The following PAK5 variants were observed in gnomAD, a reference collection of about 807,000 sequenced individuals.
PAK5 encodes serine/threonine-protein kinase PAK 5.
In PAK5, 16 loss-of-function variants were observed where a neutral mutation model predicts 65.9. That is an observed-to-expected ratio of 0.24 (90% CI 0.16 to 0.37). PAK5 has a LOEUF of 0.37. Ranked by LOEUF, PAK5 falls within the 10% of genes least tolerant of loss-of-function variation. The probability of loss-of-function intolerance (pLI) is 1.00; values close to 1 mark genes in which losing one functional copy is unlikely to be tolerated. For missense variants in PAK5, 785 were observed against 903.9 expected (o/e 0.87, Z 1.69); for synonymous variants, 371 against 354.9 (o/e 1.05, Z -0.51).
At chr20:9,830,084 C>G (rs915940014) in intron 1 of PAK5, among the ~76,000 whole-genome samples, 2 of 152,164 alleles carry the variant, frequency 1.3e-5, no homozygotes, top group African/African-American at 4.8e-5. Context: ...GCAAAGAGCT[C>G]AAGGGGTCTT....
chr20:9,725,157 C>G (rs917391433), intron 1 of PAK5, among the ~76,000 whole-genome samples: 2 of 151,970 alleles, frequency 1.3e-5, no homozygotes, highest in African/African-American at 2.4e-5. Flanking sequence ...GATGTATGTG[C>G]CTGGAGGAAG....
intron 5 of PAK5, among the ~76,000 whole-genome samples, chr20:9,565,235 T>C (rs1268306539): frequency 1.3e-5 from 2 of 152,002 alleles, no homozygotes; most frequent in Non-Finnish European, 2.9e-5. Flanking sequence ...CAAAAGAAAT[T>C]TGTAAACAGA....
chr20:9,777,864 A>T (rs2048902669), intron 1 of PAK5, among the ~76,000 whole-genome samples: 1 of 152,152 alleles, frequency 6.6e-6, no homozygotes, highest in African/African-American at 2.4e-5. Flanking sequence ...CAAGGTGAGG[A>T]TGTGCAAACA....
intron 7 of PAK5, 46 bp downstream of exon 7, chr20:9,557,562 A>T: frequency 6.5e-7 from 1 of 1,549,874 alleles, no homozygotes; most frequent in Non-Finnish European, 8.8e-7. Flanking sequence ...CATGACAGAC[A>T]GAGTGACAAG....
chr20:9,678,835 C>G (rs760152804), intron 2 of PAK5, among the ~76,000 whole-genome samples: 19 of 152,086 alleles, frequency 1.2e-4, no homozygotes, highest in Admixed American at 3.3e-4. Context: ...ATTAAATTAC[C>G]TCCCACTGGG....
intron 2 of PAK5, among the ~76,000 whole-genome samples, chr20:9,690,956 T>C (rs935170940): frequency 8.6e-5 from 13 of 151,950 alleles, no homozygotes; most frequent in African/African-American, 3.1e-4. Flanking sequence ...GGTTTCACCA[T>C]GTTGGCCAGG....
At chr20:9,643,773 A>C (rs570017309) in intron 3 of PAK5, among the ~76,000 whole-genome samples, 1 of 152,186 alleles carries the variant, frequency 6.6e-6, no homozygotes, top group African/African-American at 2.4e-5. Flanking sequence ...AGGTGGTCTA[A>C]TGTTGGTCAG....
intron 2 of PAK5, among the ~76,000 whole-genome samples, chr20:9,702,421 A>G (rs1051470326): frequency 6.6e-6 from 1 of 152,228 alleles, no homozygotes; most frequent in Admixed American, 6.5e-5. Context: ...AGAGCCCCAG[A>G]TGACCAAATA....
chr20:9,834,548 G>A (rs1195434101), intron 1 of PAK5, among the ~76,000 whole-genome samples: 2 of 152,008 alleles, frequency 1.3e-5, no homozygotes, highest in Admixed American at 6.6e-5. Flanking sequence ...GAAAGCAATT[G>A]CATGCTCTTC....
chr20:9,637,151 C>A (rs1479937561), intron 3 of PAK5, among the ~76,000 whole-genome samples: 1 of 152,112 alleles, frequency 6.6e-6, no homozygotes, highest in Non-Finnish European at 1.5e-5. Flanking sequence ...CAGGTGTACA[C>A]CAGCATGCCT....
intron 8 of PAK5, 64 bp downstream of exon 8, chr20:9,544,305 C>G: frequency 6.4e-7 from 1 of 1,569,368 alleles, no homozygotes; most frequent in Admixed American, 1.8e-5. Context: ...CCAACTATCT[C>G]AGAACCAATG....
chr20:9,633,535 T>TGTAA (rs2123234684), intron 3 of PAK5, among the ~76,000 whole-genome samples: 1 of 152,372 alleles, frequency 6.6e-6, no homozygotes, highest in East Asian at 1.9e-4. Flanking sequence ...TTTTTTACTC[T>TGTAA]GTAAAACACC....
At chr20:9,578,391 T>C (rs1278808014) in intron 4 of PAK5, among the ~76,000 whole-genome samples, 1 of 152,180 alleles carries the variant, frequency 6.6e-6, no homozygotes, top group Non-Finnish European at 1.5e-5. Context: ...CTAAAACTCT[T>C]GACCTCTAAA....
At chr20:9,731,702 G>T (rs2048336574) in intron 1 of PAK5, among the ~76,000 whole-genome samples, 1 of 152,170 alleles carries the variant, frequency 6.6e-6, no homozygotes, top group African/African-American at 2.4e-5. Context: ...TTTAAAATAT[G>T]CCTGTTCTAA....
rs186582070 is a variant in PAK5, at chr20:9,747,414, A to G, written c.-161-35979T>C. Among the ~76,000 whole-genome samples, 21 of 151,950 alleles carry G rather than the reference A, an allele frequency of 1.4e-4. No individual in the cohort carries two copies. In the East Asian group the frequency reaches 3.7e-3, roughly 27 times the overall value. ...GAATCTTAGACCAATATCCTTGATG[A>G]ACATTGATGCAAAAATCCTCAGTAA... On this transcript the variant is annotated intron_variant, in intron 1 of 9. Coordinates refer to ENST00000353224, the MANE Select transcript of PAK5 (RefSeq NM_177990.4).
At chr20:9,728,259 C>T (rs1347569308) in intron 1 of PAK5, among the ~76,000 whole-genome samples, 2 of 151,956 alleles carry the variant, frequency 1.3e-5, no homozygotes, top group Non-Finnish European at 2.9e-5. Context: ...CCTGGTGGTG[C>T]TTTGATCTTG....
rs995408813 is a variant in PAK5, at chr20:9,566,178, G to A, written c.1197C>T (p.Ser399=). 1 of 1,613,844 alleles carries A rather than the reference G, an allele frequency of 6.2e-7. No individual in the cohort carries two copies. The highest frequency in any genetic ancestry group is 1.3e-5 in the African/African-American group (1 of 74,880). Residue 399 remains serine, a synonymous_variant, in exon 5 of 10, where the codon TCC becomes TCT. Coordinates refer to ENST00000353224, the MANE Select transcript of PAK5 (RefSeq NM_177990.4). ...QSSSQYISTA[S]YLSSLSLSSS... ...ATGAGAGGCTGAGGGAGCTCAGGTA[G>A]GAAGCCGTGGAGATGTACTGCGAAC...
intron 2 of PAK5, among the ~76,000 whole-genome samples, chr20:9,707,658 C>T (rs2048025311): frequency 6.6e-6 from 1 of 151,994 alleles, no homozygotes; most frequent in Non-Finnish European, 1.5e-5. Context: ...GTTCTGAGGC[C>T]AGGTCTTAAG....
intron 3 of PAK5, among the ~76,000 whole-genome samples, chr20:9,582,303 A>T (rs2045993169): frequency 6.6e-6 from 1 of 152,180 alleles, no homozygotes; most frequent in African/African-American, 2.4e-5. Context: ...GATCTGTGAC[A>T]GTTTCTCAGA....
Sources: gnomAD v4.1 joint callset for allele counts (sites outside exome capture counted in the v4.1 genomes callset) on GRCh38, gnomAD v4.1.1 for gene constraint, MANE v1.5 for transcripts, NCBI Gene and HGNC (gene_info 2026-07-23, HGNC 2026-07-21) for gene names.